PRKCH: variants seen among roughly 807,000 people sequenced by gnomAD.
PRKCH encodes protein kinase C eta.
Under a neutral mutation model 82.5 loss-of-function variants are expected in PRKCH, and 28 were observed. That is an observed-to-expected ratio of 0.34 (90% CI 0.25 to 0.47). PRKCH has a LOEUF of 0.47. Ranked by LOEUF, PRKCH falls within the 20% of genes least tolerant of loss-of-function variation. PRKCH has a pLI of 1.00. For synonymous variants in PRKCH, 322 were observed against 327.4 expected (o/e 0.98, Z 0.18); for missense variants, 705 against 881.8 (o/e 0.80, Z 2.54).
intron 1 of PRKCH, among the ~76,000 whole-genome samples, chr14:61,221,346 T>G (rs1354919407): frequency 6.6e-6 from 1 of 152,222 alleles, no homozygotes; most frequent in Non-Finnish European, 1.5e-5. Flanking sequence ...ACAAAATCAT[T>G]GGAATTGTGT....
chr14:61,453,993 G>A (rs1884642162), intron 7 of PRKCH, among the ~76,000 whole-genome samples: 1 of 152,020 alleles, frequency 6.6e-6, no homozygotes, highest in Non-Finnish European at 1.5e-5. Flanking sequence ...TTGTTTCACG[G>A]ATAAGATTGT....
chr14:61,228,515 A>G (rs1057104690), intron 1 of PRKCH, among the ~76,000 whole-genome samples: 4 of 152,200 alleles, frequency 2.6e-5, no homozygotes, highest in African/African-American at 9.6e-5. Flanking sequence ...AAAGGGAAAC[A>G]GAAAAAGGAA....
At chr14:61,311,631 G>A (rs570938183) in intron 1 of PRKCH, among the ~76,000 whole-genome samples, 1 of 152,188 alleles carries the variant, frequency 6.6e-6, no homozygotes, top group Non-Finnish European at 1.5e-5. Context: ...CCAATTTACT[G>A]TATTAGTCTG....
chr14:61,379,418 A>C (rs777061184), intron 1 of PRKCH, among the ~76,000 whole-genome samples: 5 of 152,244 alleles, frequency 3.3e-5, no homozygotes, highest in Non-Finnish European at 7.3e-5. Context: ...GTTTCCCTGC[A>C]GACTGAGCAA....
At chr14:61,426,307 G>A (rs1318830579) in intron 2 of PRKCH, among the ~76,000 whole-genome samples, 1 of 152,144 alleles carries the variant, frequency 6.6e-6, no homozygotes, top group Non-Finnish European at 1.5e-5. Flanking sequence ...CACCTTCCCT[G>A]TTGTGCAATG....
chr14:61,254,439 T>C (rs2044978891), intron 1 of PRKCH, among the ~76,000 whole-genome samples: 1 of 151,948 alleles, frequency 6.6e-6, no homozygotes, highest in South Asian at 2.1e-4. Context: ...ATAGGGAGAC[T>C]TCCATCTCTA....
Position 61,322,044 on chromosome 14 carries a change from C to T in PRKCH, c.-58C>T, listed in dbSNP as rs2045631434. On this transcript the variant is annotated 5_prime_UTR_variant, in exon 1 of 14. Transcript: ENST00000332981. Reference sequence around the variant, plus strand: ...CCGAGGGCTGGCCTGAGACGGGACTCCCGGTTCTCCCGCTGCGAAGCAGCG... The same window carrying T: ...CCGAGGGCTGGCCTGAGACGGGACTTCCGGTTCTCCCGCTGCGAAGCAGCG... The T allele has an allele frequency of 1.3e-6, 2 of 1,481,824 alleles. No individual in the cohort carries two copies. Among genetic ancestry groups the T allele is most frequent in the Non-Finnish European group, 1.8e-6 (2 of 1,111,616 alleles). The allele number at this position is 1,481,824 out of a possible 1,614,324, so 91.8% of individuals were successfully genotyped here. A position where few individuals can be genotyped will look rare whatever the true frequency, so the allele number is the denominator to read the frequency against.
chr14:61,253,237 T>C (rs1459379540), intron 1 of PRKCH, among the ~76,000 whole-genome samples: 3 of 152,246 alleles, frequency 2.0e-5, no homozygotes, highest in Non-Finnish European at 2.9e-5. Flanking sequence ...ACCCAGGTTC[T>C]AAGAGCAGCT....
At chr14:61,537,500 T>C (rs1337488852) in intron 12 of PRKCH, 1 of 152,156 alleles carries the variant, frequency 6.6e-6, no homozygotes, top group African/African-American at 2.4e-5. Context: ...GCTTCTGAGG[T>C]TCCACTGAGT....
intron 2 of PRKCH, among the ~76,000 whole-genome samples, chr14:61,426,601 T>C (rs1252295440): frequency 6.6e-6 from 1 of 152,252 alleles, no homozygotes; most frequent in East Asian, 1.9e-4. Context: ...AGAGGTCTTA[T>C]GTGAAGATTT....
intron 1 of PRKCH, chr14:61,278,058 C>T (rs1482490550): frequency 6.6e-6 from 1 of 152,068 alleles, no homozygotes; most frequent in Non-Finnish European, 1.5e-5. Flanking sequence ...TTAATTTAAC[C>T]AGAATCAGAA....
intron 1 of PRKCH, among the ~76,000 whole-genome samples, chr14:61,275,380 A>C (rs2045192800): frequency 6.6e-6 from 1 of 152,224 alleles, no homozygotes; most frequent in South Asian, 2.1e-4. Flanking sequence ...TTTCAGAACA[A>C]AGCCCTTTTA....
chr14:61,433,838 A>G (rs1290832630), intron 2 of PRKCH, among the ~76,000 whole-genome samples: 2 of 152,232 alleles, frequency 1.3e-5, no homozygotes, highest in African/African-American at 4.8e-5. Context: ...GATGTACAGT[A>G]TATATTTGGC....
chr14:61,489,032 C>T (rs747911818), intron 10 of PRKCH, among the ~76,000 whole-genome samples: 1 of 152,150 alleles, frequency 6.6e-6, no homozygotes, highest in Non-Finnish European at 1.5e-5. Flanking sequence ...TAATTCCATT[C>T]AGTATACAGG....
chr14:61,343,196 A>G (rs1354484327), intron 1 of PRKCH, among the ~76,000 whole-genome samples: 1 of 152,154 alleles, frequency 6.6e-6, no homozygotes, highest in African/African-American at 2.4e-5. Flanking sequence ...TTTGGAACTG[A>G]TAAATCAAAG....
At chr14:61,266,137 G>C (rs2140083009) in intron 1 of PRKCH, among the ~76,000 whole-genome samples, 1 of 152,228 alleles carries the variant, frequency 6.6e-6, no homozygotes, top group East Asian at 1.9e-4. Flanking sequence ...TAGGTCCTTG[G>C]CTGGACATGG....
intron 1 of PRKCH, among the ~76,000 whole-genome samples, chr14:61,337,001 G>A (rs1199860424): frequency 6.7e-6 from 1 of 149,786 alleles, no homozygotes; most frequent in African/African-American, 2.5e-5. Context: ...CCCAGGAGGC[G>A]AGGTGGAGGT....
chr14:61,427,974 G>A (rs191169979), intron 2 of PRKCH, among the ~76,000 whole-genome samples: 131 of 151,692 alleles, frequency 8.6e-4, no homozygotes, highest in Non-Finnish European at 1.3e-3. Flanking sequence ...CAAGTGGATC[G>A]TTTAAGACCA....
At position 61,530,620 on chromosome 14, in the gene PRKCH, T is replaced by C. The variant is rs111949821; in HGVS notation, c.1761+25T>C. On this transcript the variant is annotated intron_variant, in intron 12 of 13. Coordinates refer to ENST00000332981, the MANE Select transcript of PRKCH (RefSeq NM_006255.5). ...TGTAAGTTTGGCTTACCCAGCTAGC[T>C]TCTGATGTATTGCAAACCAGCTTGT... is the stretch of plus-strand genomic sequence containing the variant. 5.5e-4 allele frequency: 860 copies of C among 1,562,472 alleles called. 6 individuals are homozygous for C. In the African/African-American group the frequency reaches 9.4e-3, roughly 17 times the overall value.
Sources: allele counts gnomAD v4.1 joint callset (sites outside exome capture counted in the v4.1 genomes callset), GRCh38; gene constraint gnomAD v4.1.1; transcripts MANE v1.5; gene names NCBI Gene and HGNC (gene_info 2026-07-23, HGNC 2026-07-21).